The following TRIM67 variants were observed in gnomAD, a reference collection of about 807,000 sequenced individuals.
TRIM67 encodes the protein tripartite motif-containing protein 67.
TRIM67 carries 39 observed loss-of-function variants against 71.0 expected under a neutral mutation model. That is an observed-to-expected ratio of 0.55 (90% CI 0.43 to 0.72). The LOEUF (loss-of-function observed/expected upper bound fraction) is 0.72. Ranked by LOEUF, TRIM67 falls within the 30% of genes least tolerant of loss-of-function variation. TRIM67 has a pLI of 0.00. For synonymous variants in TRIM67, 481 were observed against 473.9 expected (o/e 1.01, Z -0.19); for missense variants, 973 against 1,079.2 (o/e 0.90, Z 1.38).
At chr1:231,185,049 G>A (rs1050010095) in intron 1 of TRIM67, 68 of 1,532,818 alleles carry the variant, frequency 4.4e-5, no homozygotes, top group Non-Finnish European at 5.7e-5. Context: ...AGGCTAGTGT[G>A]GAGCTGAGCT....
Position 231,187,756 on chromosome 1 carries a change from G to A in TRIM67, c.1045-9615G>A, listed in dbSNP as rs149148280. The A allele has an allele frequency of 5.4e-4, 319 of 591,392 alleles. 5 individuals carry two copies. In the South Asian group the frequency reaches 6.2e-3, roughly 11 times the overall value. The allele number at this position is 591,392 out of a possible 1,614,324, so 36.6% of individuals were successfully genotyped here. On this transcript the variant is annotated intron_variant, in intron 1 of 9. Transcript: ENST00000366653. ...GTGGCTGGGTAGCCAGAGGGACAGCGGGCAAGCTCTCTCTGATCCACGCCA... is the reference window on the plus strand; with the variant it reads ...GTGGCTGGGTAGCCAGAGGGACAGCAGGCAAGCTCTCTCTGATCCACGCCA...
In TRIM67 at chr1:231,163,389, G is replaced by C; in HGVS notation, c.420G>C (p.Ala140=). The C allele has an allele frequency of 6.5e-7, 1 of 1,534,782 alleles. No individual in the cohort carries two copies. Among genetic ancestry groups the C allele is most frequent in the Non-Finnish European group, 8.8e-7 (1 of 1,142,444 alleles). ...CCGCACCACCCGGCTCCTCGGCTGC[G>C]GCGGCTCGGGGTGCCGCCTGCTCCT... ...MVPAPPGSSA[A]AARGAACSSL... The change falls in exon 1 of 10, where the codon GCG becomes GCC. Residue 140 remains alanine (A), a synonymous_variant. Coordinates refer to ENST00000366653, the MANE Select transcript of TRIM67 (RefSeq NM_001004342.5).
intron 1 of TRIM67, among the ~76,000 whole-genome samples, chr1:231,196,515 G>T (rs1170630060): frequency 6.6e-6 from 1 of 151,602 alleles, no homozygotes; most frequent in East Asian, 1.9e-4. Context: ...GGTTGAGGCT[G>T]CAGTGAGTCA....
Position 231,215,657 on chromosome 1 carries a change from T to G in TRIM67, c.*217T>G, listed in dbSNP as rs1683996392. ...TGCCACTGTCAGTGGCAAAGGAAGG[T>G]ACGTGTGTCACCCTTATTCCACCCA... On this transcript the variant is annotated 3_prime_UTR_variant, in exon 10 of 10. Transcript: ENST00000366653. 1 of 1,327,822 alleles carries G rather than the reference T, an allele frequency of 7.5e-7. No homozygotes were observed. Among genetic ancestry groups the G allele is most frequent in the South Asian group, 2.2e-5 (1 of 45,778 alleles). The allele number at this position is 1,327,822 out of a possible 1,614,324, so 82.3% of individuals were successfully genotyped here.
At chr1:231,200,080 A>C in intron 3 of TRIM67, 68 bp from the exon 4 acceptor site, 2 of 1,229,348 alleles carry the variant, frequency 1.6e-6, no homozygotes, top group Non-Finnish European at 2.4e-6. Context: ...TAGTTCTCTG[A>C]CTCTTGCGGT....
Position 231,215,512 on chromosome 1 carries a change from C to T in TRIM67, c.*72C>T, listed in dbSNP as rs1245870743. 4 of 1,494,268 alleles carry T rather than the reference C, an allele frequency of 2.7e-6. No homozygotes were observed. Among genetic ancestry groups the T allele is most frequent in the Non-Finnish European group, 3.6e-6 (4 of 1,111,884 alleles). 92.6% of individuals were successfully genotyped at this position (1,494,268 alleles called of 1,614,324 possible). ...CAAAACGCCCACCATTCTCACTAAG[C>T]TCAAATAACCCACAAAAGCAGGATA... On this transcript the variant is annotated 3_prime_UTR_variant, in exon 10 of 10. Coordinates refer to ENST00000366653, the MANE Select transcript of TRIM67 (RefSeq NM_001004342.5).
intron 9 of TRIM67, among the ~76,000 whole-genome samples, chr1:231,214,849 C>T (rs1473106390): frequency 1.3e-5 from 2 of 151,792 alleles, no homozygotes; most frequent in African/African-American, 4.8e-5. Flanking sequence ...CCTGTAACTC[C>T]AGTACTTTGG....
At chr1:231,201,890 G>A (rs975469830) in intron 5 of TRIM67, among the ~76,000 whole-genome samples, 9 of 152,232 alleles carry the variant, frequency 5.9e-5, no homozygotes, top group South Asian at 2.1e-4. Flanking sequence ...TTACGCTCTC[G>A]AGAAGGAAAT....
chr1:231,193,269 G>A (rs898468105), intron 1 of TRIM67, among the ~76,000 whole-genome samples: 1 of 152,212 alleles, frequency 6.6e-6, no homozygotes, highest in Non-Finnish European at 1.5e-5. Flanking sequence ...GGATAGAAAT[G>A]TAGAGACAAA....
chr1:231,181,541 C>G (rs1682908172), intron 1 of TRIM67, among the ~76,000 whole-genome samples: 1 of 152,222 alleles, frequency 6.6e-6, no homozygotes, highest in South Asian at 2.1e-4. Flanking sequence ...CACTATCTTT[C>G]CTCTCTCTTC....
At chr1:231,202,389 G>T (rs1683579424) in intron 5 of TRIM67, among the ~76,000 whole-genome samples, 1 of 152,104 alleles carries the variant, frequency 6.6e-6, no homozygotes, top group Admixed American at 6.6e-5. Flanking sequence ...CAAGTCCAAA[G>T]TCCCTGAGGC....
chr1:231,166,810 G>T (rs146667516), intron 1 of TRIM67, among the ~76,000 whole-genome samples: 1 of 152,188 alleles, frequency 6.6e-6, no homozygotes, highest in Admixed American at 6.5e-5. Flanking sequence ...TTAGGTCTTG[G>T]CTAAACACAT....
intron 1 of TRIM67, among the ~76,000 whole-genome samples, chr1:231,192,113 A>G (rs12562878): frequency 0.058 from 8,830 of 152,120 alleles, 442 homozygotes; most frequent in East Asian, 0.24. Flanking sequence ...TTTTGAGGCT[A>G]CAGTGAGCTA....
At chr1:231,214,376 A>AG (rs139851177) in intron 9 of TRIM67, among the ~76,000 whole-genome samples, 1,843 of 152,232 alleles carry the variant, frequency 0.012, 46 homozygotes, top group African/African-American at 0.042. Context: ...GAGTGTGGGG[A>AG]GCAAGGTCCT....
At chr1:231,198,967 G>T in intron 2 of TRIM67, 80 bp from the exon 3 acceptor site, 1 of 1,594,400 alleles carries the variant, frequency 6.3e-7, no homozygotes, top group South Asian at 1.1e-5. Context: ...ATATATCTTT[G>T]TCTATAGCAC....
intron 7 of TRIM67, among the ~76,000 whole-genome samples, 185 bp from the exon 8 acceptor site, chr1:231,208,762 G>C (rs1412068290): frequency 6.6e-6 from 1 of 152,212 alleles, no homozygotes; most frequent in South Asian, 2.1e-4. Flanking sequence ...ACAGAGCAGG[G>C]AGTGTGTGCA....
chr1:231,204,659 A>G (rs1683647974), intron 6 of TRIM67, among the ~76,000 whole-genome samples: 1 of 152,208 alleles, frequency 6.6e-6, no homozygotes, highest in South Asian at 2.1e-4. Flanking sequence ...GCGGACATGA[A>G]TGCCAGAGAG....
chr1:231,165,459 A>G (rs1682428621), intron 1 of TRIM67, among the ~76,000 whole-genome samples: 1 of 152,258 alleles, frequency 6.6e-6, no homozygotes, highest in Non-Finnish European at 1.5e-5. Context: ...ATAACATTAA[A>G]TGTTGCTGCT....
intron 5 of TRIM67, among the ~76,000 whole-genome samples, chr1:231,202,002 G>A (rs1335914255): frequency 2.1e-5 from 3 of 144,620 alleles, no homozygotes; most frequent in African/African-American, 7.8e-5. Context: ...TGAGATTTGA[G>A]GTGAGGAGGA....
Sources: gnomAD v4.1 joint callset for allele counts (sites outside exome capture counted in the v4.1 genomes callset) on GRCh38, gnomAD v4.1.1 for gene constraint, MANE v1.5 for transcripts, NCBI Gene and HGNC (gene_info 2026-07-23, HGNC 2026-07-21) for gene names.